The following SIPA1L3 variants were observed in gnomAD, a reference collection of about 807,000 sequenced individuals.
SIPA1L3 encodes signal induced proliferation associated 1 like 3.
Under a neutral mutation model 150.1 loss-of-function variants are expected in SIPA1L3, and 59 were observed. The ratio of observed to expected loss-of-function variants is 0.39; its 90% confidence interval spans 0.32 to 0.49. The LOEUF (loss-of-function observed/expected upper bound fraction) is 0.49. Among genes scored for constraint, SIPA1L3 ranks in the 20% least tolerant of loss-of-function variants. SIPA1L3 has a pLI of 0.86. For missense variants in SIPA1L3, 2,211 were observed against 2,489.5 expected (o/e 0.89, Z 2.38); for synonymous variants, 1,070 against 1,077.6 (o/e 0.99, Z 0.14).
At chr19:37,999,015 A>C (rs1023139589) in intron 1 of SIPA1L3, among the ~76,000 whole-genome samples, 1 of 150,864 alleles carries the variant, frequency 6.6e-6, no homozygotes, top group Admixed American at 6.6e-5. Context: ...ACACACACCC[A>C]CACACACACA....
chr19:37,998,921 G>T (rs1477214105), intron 1 of SIPA1L3, among the ~76,000 whole-genome samples: 2 of 151,940 alleles, frequency 1.3e-5, no homozygotes, highest in Non-Finnish European at 2.9e-5. Flanking sequence ...GGAGTTCATT[G>T]TACCTTACTC....
At chr19:38,072,694 T>C (rs1969750107) in intron 2 of SIPA1L3, among the ~76,000 whole-genome samples, 1 of 152,260 alleles carries the variant, frequency 6.6e-6, no homozygotes, top group African/African-American at 2.4e-5. Context: ...GCCCCACCTC[T>C]AGCCCATTGG....
intron 8 of SIPA1L3, among the ~76,000 whole-genome samples, chr19:38,116,949 G>A (rs140349474): frequency 9.3e-4 from 142 of 152,324 alleles, no homozygotes; most frequent in African/African-American, 3.2e-3. Context: ...TGCACTTTTA[G>A]CAATAATCTG....
chr19:38,121,624 A>G (rs1485499948), intron 9 of SIPA1L3, among the ~76,000 whole-genome samples: 39 of 139,920 alleles, frequency 2.8e-4, no homozygotes, highest in South Asian at 6.9e-4. Context: ...CTGTAGTCCC[A>G]GCTACTCGGG....
chr19:38,007,283 T>C (rs2145672511), intron 1 of SIPA1L3, among the ~76,000 whole-genome samples: 1 of 152,096 alleles, frequency 6.6e-6, no homozygotes. Context: ...TGAAACCCTG[T>C]CTCTACTAAA....
chr19:38,020,009 A>G (rs558149760), intron 1 of SIPA1L3, among the ~76,000 whole-genome samples: 4 of 152,244 alleles, frequency 2.6e-5, no homozygotes, highest in Middle Eastern at 3.4e-3. Flanking sequence ...GAGAGGATCA[A>G]CTGAGCCCAG....
At position 38,082,214 on chromosome 19, in the gene SIPA1L3, A is replaced by G; in HGVS notation, c.649A>G (p.Ser217Gly). The G allele has an allele frequency of 6.2e-7, 1 of 1,602,564 alleles. No homozygotes were observed. The highest frequency in any genetic ancestry group is 2.2e-5 in the East Asian group (1 of 44,788). The change falls in exon 3 of 22, where the codon AGC becomes GGC. Residue 217 changes from serine to glycine, a missense_variant. Physicochemically the swap from Ser to Gly is moderately conservative, Grantham distance 56. Transcript: ENST00000222345. The part of the protein sequence containing the change: ...SIDVQGMPEQ[S>G]FFDILNEFRS... Reference sequence around the variant, plus strand: ...CGACGTGCAGGGCATGCCCGAGCAGAGCTTCTTCGACATCCTGAACGAGTT... The same window carrying G: ...CGACGTGCAGGGCATGCCCGAGCAGGGCTTCTTCGACATCCTGAACGAGTT...
Position 38,141,441 on chromosome 19 carries a change from C to T in SIPA1L3, c.3395+6C>T, listed in dbSNP as rs1290339142. 2 of 1,604,746 alleles carry T rather than the reference C, an allele frequency of 1.2e-6. No homozygotes were observed. The highest frequency in any genetic ancestry group is 1.7e-6 in the Non-Finnish European group (2 of 1,179,222). On this transcript the variant is annotated splice_donor_region_variant and intron_variant, in intron 11 of 21. Coordinates refer to ENST00000222345, the MANE Select transcript of SIPA1L3 (RefSeq NM_015073.3). ...CAGCCACTGCACAGCAAGAGGTAAG[C>T]ACCTGCTGGGGGGACCAATACTTCC...
chr19:38,093,437 C>T (rs945884550), intron 4 of SIPA1L3, among the ~76,000 whole-genome samples: 1 of 152,132 alleles, frequency 6.6e-6, no homozygotes, highest in East Asian at 1.9e-4. Context: ...AAATTCTCAG[C>T]TTACAGAACT....
intron 10 of SIPA1L3, among the ~76,000 whole-genome samples, chr19:38,133,351 C>T (rs1368346487): frequency 6.6e-6 from 1 of 152,232 alleles, no homozygotes; most frequent in East Asian, 1.9e-4. Context: ...TCTGTCATTC[C>T]TTCTTCATAT....
rs555547938 is a variant in SIPA1L3 at position 38,082,633 on chromosome 19, C to G, written c.1068C>G (p.Ala356=). The part of the protein sequence containing the change: ...QSMLFDLNEA[A]ANRVSVSQRR... ...TGCTGTTCGACCTCAACGAGGCGGC[C>G]GCCAACAGGGTGTCGGTGTCGCAGC... The change falls in exon 3 of 22, where the codon GCC becomes GCG. Residue 356 remains alanine (A), a synonymous_variant. Transcript: ENST00000222345. 3.1e-6 allele frequency: 5 copies of G among 1,605,750 alleles called. No individual in the cohort carries two copies. The highest frequency in any genetic ancestry group is 4.2e-6 in the Non-Finnish European group (5 of 1,179,752).
chr19:37,913,059 G>A (rs1300190137), intron 1 of SIPA1L3, among the ~76,000 whole-genome samples: 1 of 152,092 alleles, frequency 6.6e-6, no homozygotes, highest in Non-Finnish European at 1.5e-5. Flanking sequence ...CTTAGGTGGC[G>A]GGCAGACCAA....
At chr19:38,001,053 A>G (rs1189666057) in intron 1 of SIPA1L3, among the ~76,000 whole-genome samples, 1 of 149,230 alleles carries the variant, frequency 6.7e-6, no homozygotes, top group South Asian at 2.1e-4. Context: ...TATCACACAT[A>G]TATATATATC....
Position 37,988,556 on chromosome 19 carries a change from A to G in SIPA1L3, c.-378-40533A>G, listed in dbSNP as rs555699057. ...CCAGACATGGTGGTGGGCACCTGTA[A>G]TCCTAGCTACTCGGGAGGCTGAGGC... On this transcript the variant is annotated intron_variant, in intron 1 of 21. Transcript: ENST00000222345. Among the ~76,000 whole-genome samples the G allele has an allele frequency of 5.3e-5, 8 of 152,218 alleles. No homozygotes were observed. In the South Asian group the frequency reaches 1.7e-3, roughly 32 times the overall value.
chr19:37,965,323 T>TA (rs1303483788), intron 1 of SIPA1L3, among the ~76,000 whole-genome samples: 2 of 150,862 alleles, frequency 1.3e-5, no homozygotes, highest in African/African-American at 4.9e-5. Context: ...TCTAGTTTTT[T>TA]TTTTTTTTTT....
In SIPA1L3 at chr19:38,164,432, G is replaced by A. The variant is rs370707511; in HGVS notation, c.3781-47G>A. 45 of 1,529,410 alleles carry A rather than the reference G, an allele frequency of 2.9e-5. No individual in the cohort carries two copies. In the African/African-American group the frequency reaches 3.4e-4, roughly 12 times the overall value. The allele number at this position is 1,529,410 out of a possible 1,614,324, so 94.7% of individuals were successfully genotyped here. A position where few individuals can be genotyped will look rare whatever the true frequency, so the allele number is the denominator to read the frequency against. On this transcript the variant is annotated intron_variant, in intron 14 of 21. Transcript: ENST00000222345. This position sits in a 1 kb window ranked among gnomAD's most constrained non-coding sequence, Gnocchi z 4.1. ...GGGAGGACCCGGCAAGGGAAGATGC[G>A]CCCCTGCCCTGGAGTCTGGGAATGA...
chr19:38,003,372 A>G (rs1967858206), intron 1 of SIPA1L3, among the ~76,000 whole-genome samples: 1 of 152,228 alleles, frequency 6.6e-6, no homozygotes, highest in African/African-American at 2.4e-5. Context: ...GGAGATTCAC[A>G]GAGGCTCCCC....
chr19:38,162,381 G>A lies in SIPA1L3; in HGVS notation c.3780+10G>A. Reference sequence around the variant, plus strand: ...CAACAGGCATTCCAAAGTGAGTCTGGGCCCCACCCTGCCCTACCGGGGGAG... The same window carrying A: ...CAACAGGCATTCCAAAGTGAGTCTGAGCCCCACCCTGCCCTACCGGGGGAG... On this transcript the variant is annotated intron_variant, in intron 14 of 21. Transcript: ENST00000222345. The A allele has an allele frequency of 6.8e-6, 11 of 1,606,554 alleles. No individual in the cohort carries two copies. The highest frequency in any genetic ancestry group is 9.4e-6 in the Non-Finnish European group (11 of 1,173,246).
At chr19:38,172,243 G>T (rs994310217) in intron 15 of SIPA1L3, among the ~76,000 whole-genome samples, 4 of 152,166 alleles carry the variant, frequency 2.6e-5, no homozygotes, top group Non-Finnish European at 5.9e-5. Flanking sequence ...GAGAGTCCAG[G>T]GTGGCTGCCA....
Sources: allele counts gnomAD v4.1 joint callset (sites outside exome capture counted in the v4.1 genomes callset), GRCh38; gene constraint gnomAD v4.1.1; non-coding constraint Gnocchi (gnomAD v3.1); transcripts MANE v1.5; gene names NCBI Gene and HGNC (gene_info 2026-07-23, HGNC 2026-07-21).